Variants in PVT1 observed in about 807,000 individuals in gnomAD.
The protein encoded by PVT1 is Pvt1 oncogene.
chr8:128,059,128 C>G (rs1813799237), intron 4 of PVT1, among the ~76,000 whole-genome samples: 1 of 152,206 alleles, frequency 6.6e-6, no homozygotes, highest in Admixed American at 6.5e-5. Flanking sequence ...GAAGCAATGG[C>G]TCACGTCAGA....
chr8:127,982,784 C>T (rs1229676731), intron 3 of PVT1, among the ~76,000 whole-genome samples: 1 of 152,096 alleles, frequency 6.6e-6, no homozygotes, highest in Admixed American at 6.5e-5. Flanking sequence ...CAAAGTTTTC[C>T]AATGAAGACT....
intron 4 of PVT1, among the ~76,000 whole-genome samples, chr8:128,024,387 C>T (rs1282707154): frequency 2.0e-5 from 3 of 152,094 alleles, no homozygotes; most frequent in Non-Finnish European, 2.9e-5. Context: ...ATTTGGGAGG[C>T]CAAGGCAGGT....
At chr8:127,927,892 C>G (rs1217953326) in intron 3 of PVT1, among the ~76,000 whole-genome samples, 1 of 152,198 alleles carries the variant, frequency 6.6e-6, no homozygotes, top group East Asian at 1.9e-4. Flanking sequence ...TACACACAGA[C>G]CTGTGTAAGT....
chr8:127,865,171 A>G (rs970086431), intron 2 of PVT1, among the ~76,000 whole-genome samples: 12 of 152,204 alleles, frequency 7.9e-5, no homozygotes, highest in Non-Finnish European at 1.8e-4. Flanking sequence ...GAGGATTCTC[A>G]GGATGGGGAG....
intron 4 of PVT1, among the ~76,000 whole-genome samples, chr8:128,015,477 G>A (rs1300029138): frequency 6.6e-6 from 1 of 152,056 alleles, no homozygotes; most frequent in Non-Finnish European, 1.5e-5. Flanking sequence ...CTCTTTCTAA[G>A]TCAGATAATA....
At chr8:127,897,342 T>A (rs1815691985) in intron 3 of PVT1, among the ~76,000 whole-genome samples, 1 of 152,122 alleles carries the variant, frequency 6.6e-6, no homozygotes, top group East Asian at 1.9e-4. Context: ...GCAGGCTATC[T>A]TAAGAGGAGG....
At chr8:127,966,509 G>C (rs181832180) in intron 3 of PVT1, among the ~76,000 whole-genome samples, 1 of 152,328 alleles carries the variant, frequency 6.6e-6, no homozygotes, top group East Asian at 1.9e-4. Flanking sequence ...GGCACAAGAT[G>C]GGGGATGGAG....
chr8:127,950,732 C>T (rs1360999814), intron 3 of PVT1, among the ~76,000 whole-genome samples: 1 of 152,188 alleles, frequency 6.6e-6, no homozygotes, highest in Admixed American at 6.5e-5. Context: ...GTCTCCTTCC[C>T]TCACACTCAA....
intron 2 of PVT1, among the ~76,000 whole-genome samples, chr8:127,800,635 G>A (rs1401831659): frequency 1.3e-5 from 2 of 152,000 alleles, no homozygotes; most frequent in African/African-American, 4.8e-5. Context: ...TCTCGATAGG[G>A]CTTATCTTCC....
intron 2 of PVT1, among the ~76,000 whole-genome samples, chr8:127,841,030 A>G (rs573355686): frequency 2.2e-4 from 33 of 152,332 alleles, no homozygotes; most frequent in African/African-American, 7.0e-4. Flanking sequence ...TGTGTGCCCC[A>G]AAGCTTGCTC....
At chr8:127,949,987 G>A (rs893716783) in intron 3 of PVT1, among the ~76,000 whole-genome samples, 10 of 152,360 alleles carry the variant, frequency 6.6e-5, no homozygotes, top group South Asian at 2.1e-4. Flanking sequence ...CTTCCCTGGC[G>A]GCCCGGGTTC....
chr8:127,869,894 C>G (rs535260595), intron 2 of PVT1, among the ~76,000 whole-genome samples: 2 of 152,294 alleles, frequency 1.3e-5, no homozygotes, highest in Admixed American at 1.3e-4. Context: ...ACCTCTGCCT[C>G]CTGGGTTCAA....
At chr8:127,815,125 G>A (rs544487403) in intron 2 of PVT1, among the ~76,000 whole-genome samples, 7 of 152,096 alleles carry the variant, frequency 4.6e-5, no homozygotes, top group South Asian at 2.1e-4. Context: ...ACCACCACGC[G>A]TGGCTAATTT....
chr8:127,909,663 T>C (rs986109806), intron 3 of PVT1, among the ~76,000 whole-genome samples: 1 of 152,084 alleles, frequency 6.6e-6, no homozygotes, highest in Non-Finnish European at 1.5e-5. Flanking sequence ...CCCACTGTCA[T>C]GGGAGGTTAG....
chr8:127,924,804 C>A lies in PVT1; in HGVS notation n.782+33806C>A, dbSNP rs528905652. 3.7e-4 allele frequency among the ~76,000 whole-genome samples: 56 copies of A among 152,212 alleles called. 1 individual carries two copies. Among genetic ancestry groups the A allele is most frequent in the Non-Finnish European group, 7.4e-4 (50 of 68,012 alleles). On this transcript the variant is annotated intron_variant and non_coding_transcript_variant, in intron 3 of 10. Coordinates refer to ENST00000651587, the Ensembl canonical transcript of PVT1. ...GGGATTACAGGTGTGAACCACCGCACCAGACCCCAACTTTTGTATTTTTAG... is the reference window on the plus strand; with the variant it reads ...GGGATTACAGGTGTGAACCACCGCAACAGACCCCAACTTTTGTATTTTTAG...
At chr8:127,844,739 A>C (rs1815012492) in intron 2 of PVT1, among the ~76,000 whole-genome samples, 1 of 150,890 alleles carries the variant, frequency 6.6e-6, no homozygotes, top group Non-Finnish European at 1.5e-5. Flanking sequence ...TTTAAGATGG[A>C]GTCTCACTCT....
chr8:128,078,122 C>T (rs1175112333), intron 5 of PVT1, among the ~76,000 whole-genome samples: 1 of 152,152 alleles, frequency 6.6e-6, no homozygotes, highest in African/African-American at 2.4e-5. Flanking sequence ...GTTAGCGTGC[C>T]TGTCCACGAT....
intron 4 of PVT1, among the ~76,000 whole-genome samples, chr8:128,011,667 C>A (rs563423299): frequency 6.0e-4 from 92 of 152,192 alleles, no homozygotes; most frequent in Non-Finnish European, 8.2e-4. Context: ...AAACTAGGGC[C>A]GTCTTAGCTT....
At chr8:128,083,378 A>G (rs16902624) in intron 5 of PVT1, among the ~76,000 whole-genome samples, 5,752 of 152,348 alleles carry the variant, frequency 0.038, 173 homozygotes, top group Non-Finnish European at 0.055. Flanking sequence ...TCATTGGGCC[A>G]CTTGTGGTAT....
Sources: gnomAD v4.1 joint callset for allele counts (sites outside exome capture counted in the v4.1 genomes callset) on GRCh38, gnomAD v4.1.1 for gene constraint, MANE v1.5 for transcripts, NCBI Gene and HGNC (gene_info 2026-07-23, HGNC 2026-07-21) for gene names.